HDAC9: variants seen among roughly 807,000 people sequenced by gnomAD.
HDAC9 encodes MEF-2 interacting transcription repressor (MITR) protein.
In HDAC9, 41 loss-of-function variants were observed where a neutral mutation model predicts 139.4. That is an observed-to-expected ratio of 0.29 (90% CI 0.23 to 0.38). The LOEUF is 0.38. Ranked by LOEUF, HDAC9 falls within the 10% of genes least tolerant of loss-of-function variation. The probability of loss-of-function intolerance (pLI) is 1.00; values close to 1 mark genes in which losing one functional copy is unlikely to be tolerated. For synonymous variants in HDAC9, 517 were observed against 476.2 expected, an observed-to-expected ratio of 1.09 and a Z score of -1.12; for missense variants, 1,147 against 1,297.0, an observed-to-expected ratio of 0.88 and a Z score of 1.78.
rs190828581 is a variant in HDAC9, at chr7:18,128,193, C to G, written c.-96-34036C>G. Among the ~76,000 whole-genome samples, 21 of 152,156 alleles carry G rather than the reference C, an allele frequency of 1.4e-4. 1 individual carries two copies. Among genetic ancestry groups the G allele is most frequent in the Middle Eastern group, 6.8e-3 (2 of 294 alleles). The stretch of plus-strand genomic sequence containing the variant: ...GAAACTTGTACCTTTACCAAAAAAT[C>G]TCAGAGACTGGCTTGGAAACCACTG... On this transcript the variant is annotated intron_variant, in intron 1 of 12. Transcript: ENST00000417496.
intron 2 of HDAC9, among the ~76,000 whole-genome samples, chr7:18,184,147 C>G (rs1273348851): frequency 6.6e-6 from 1 of 152,152 alleles, no homozygotes; most frequent in Admixed American, 6.5e-5. Context: ...GCCTGTAATC[C>G]TAGCACTTTG....
chr7:18,933,300 T>C (rs1472666908), intron 22 of HDAC9, among the ~76,000 whole-genome samples: 2 of 152,104 alleles, frequency 1.3e-5, no homozygotes, highest in Non-Finnish European at 2.9e-5. Flanking sequence ...TAGAGGACTC[T>C]GGGTCCTTTT....
At chr7:18,135,232 T>C (rs1785302641) in intron 1 of HDAC9, among the ~76,000 whole-genome samples, 1 of 150,420 alleles carries the variant, frequency 6.6e-6, no homozygotes, top group African/African-American at 2.5e-5. Flanking sequence ...AAGATAATTG[T>C]GTTTGTTTGC....
chr7:18,920,257 C>T (rs1803574969), intron 22 of HDAC9, among the ~76,000 whole-genome samples: 1 of 152,116 alleles, frequency 6.6e-6, no homozygotes, highest in Non-Finnish European at 1.5e-5. Flanking sequence ...CTCTTTGAAG[C>T]AATTGTGAAT....
chr7:18,222,066 C>G (rs1457698422), intron 2 of HDAC9, among the ~76,000 whole-genome samples: 1 of 152,126 alleles, frequency 6.6e-6, no homozygotes, highest in Non-Finnish European at 1.5e-5. Context: ...AGTAGTGGGT[C>G]AAAGGTAACT....
chr7:18,901,270 A>G (rs956149264), intron 22 of HDAC9, among the ~76,000 whole-genome samples: 5 of 149,514 alleles, frequency 3.3e-5, no homozygotes, highest in Non-Finnish European at 7.4e-5. Flanking sequence ...ACATATATAT[A>G]TATATAAAAT....
At position 18,998,790 on chromosome 7, in the gene HDAC9, G is replaced by A. The variant is rs766394472; in HGVS notation, c.*2728G>A. 1 of 152,072 alleles carries A rather than the reference G, an allele frequency of 6.6e-6. No individual in the cohort carries two copies. Among genetic ancestry groups the A allele is most frequent in the Non-Finnish European group, 1.5e-5 (1 of 68,016 alleles). The allele number at this position is 152,072 out of a possible 1,614,324, so 9.4% of individuals were successfully genotyped here. ...AGGAAAATCACATACGCTCTCTCATGGTCTCATGGTATCTCATACAGGGTG... is the reference window on the plus strand; with the variant it reads ...AGGAAAATCACATACGCTCTCTCATAGTCTCATGGTATCTCATACAGGGTG... On this transcript the variant is annotated 3_prime_UTR_variant, in exon 26 of 26. Transcript: ENST00000686413.
At chr7:18,750,728 G>C (rs1251937376) in intron 14 of HDAC9, among the ~76,000 whole-genome samples, 1 of 152,122 alleles carries the variant, frequency 6.6e-6, no homozygotes, top group Non-Finnish European at 1.5e-5. Flanking sequence ...ATCCCATATG[G>C]AGTCCATAAA....
At chr7:18,592,913 T>C (rs1831394663) in intron 5 of HDAC9, among the ~76,000 whole-genome samples, 1 of 152,168 alleles carries the variant, frequency 6.6e-6, no homozygotes, top group African/African-American at 2.4e-5. Flanking sequence ...TAGCATTAAA[T>C]GAGAAACAGC....
At chr7:18,346,030 G>T (rs1481481857) in intron 1 of HDAC9, among the ~76,000 whole-genome samples, 1 of 152,028 alleles carries the variant, frequency 6.6e-6, no homozygotes, top group African/African-American at 2.4e-5. Context: ...TTTCTAGAGA[G>T]ACTAAAGTAG....
At chr7:18,656,727 G>A (rs1262083810) in intron 11 of HDAC9, among the ~76,000 whole-genome samples, 1 of 152,100 alleles carries the variant, frequency 6.6e-6, no homozygotes, top group Non-Finnish European at 1.5e-5. Flanking sequence ...AGCTATTGTG[G>A]ACAGTGCTGT....
chr7:18,210,496 G>T (rs1035872420), intron 2 of HDAC9, among the ~76,000 whole-genome samples: 2 of 152,058 alleles, frequency 1.3e-5, no homozygotes, highest in African/African-American at 4.8e-5. Context: ...AAGATATGTC[G>T]AGAAGAGTTC....
At chr7:18,529,324 A>C (rs1563161792) in intron 2 of HDAC9, among the ~76,000 whole-genome samples, 1 of 152,194 alleles carries the variant, frequency 6.6e-6, no homozygotes, top group Non-Finnish European at 1.5e-5. Flanking sequence ...AAAGTAAATA[A>C]AAAGATGGGC....
chr7:18,988,521 G>GA (rs938326544), intron 25 of HDAC9, among the ~76,000 whole-genome samples: 3 of 151,736 alleles, frequency 2.0e-5, no homozygotes, highest in African/African-American at 7.3e-5. Flanking sequence ...GTGTGGTGCT[G>GA]AAAAAAATGT....
intron 6 of HDAC9, among the ~76,000 whole-genome samples, chr7:18,628,018 A>AT (rs576237307): frequency 1.2e-3 from 179 of 152,338 alleles, no homozygotes; most frequent in African/African-American, 4.2e-3. Flanking sequence ...GTGGAGAAGA[A>AT]TTGTAAGTTC....
At chr7:18,502,744 C>T (rs1455628861) in intron 2 of HDAC9, 3 of 152,110 alleles carry the variant, frequency 2.0e-5, no homozygotes, top group Admixed American at 2.0e-4. Context: ...AATAAAGAGA[C>T]TGAAGTAATT....
intron 1 of HDAC9, among the ~76,000 whole-genome samples, chr7:18,299,623 G>A (rs544297092): frequency 6.6e-6 from 1 of 152,286 alleles, no homozygotes; most frequent in East Asian, 1.9e-4. Context: ...ACCTTGAGAG[G>A]TTAGAGAAAG....
chr7:18,555,421 A>G (rs758165903), intron 2 of HDAC9, among the ~76,000 whole-genome samples: 4 of 152,186 alleles, frequency 2.6e-5, no homozygotes, highest in Non-Finnish European at 5.9e-5. Context: ...TCTAATGGAT[A>G]ATTTTGGGAC....
chr7:18,284,199 T>C (rs1009289487), intron 2 of HDAC9, among the ~76,000 whole-genome samples: 33 of 152,180 alleles, frequency 2.2e-4, no homozygotes, highest in Admixed American at 1.7e-3. Flanking sequence ...GATTTTATGA[T>C]CATATATTGT....
Sources: allele counts gnomAD v4.1 joint callset (sites outside exome capture counted in the v4.1 genomes callset), GRCh38; gene constraint gnomAD v4.1.1; transcripts MANE v1.5; gene names NCBI Gene and HGNC (gene_info 2026-07-23, HGNC 2026-07-21).